The following COL19A1 variants were observed in gnomAD, a reference collection of about 807,000 sequenced individuals.
The protein encoded by COL19A1 is collagen alpha-1(XIX) chain.
A neutral mutation model predicts 190.2 loss-of-function variants in COL19A1; 159 were observed. The observed-to-expected ratio is 0.84, with a 90% CI of 0.73 to 0.95. The LOEUF is 0.95. Among genes scored for constraint, COL19A1 ranks in the 40% least tolerant of loss-of-function variants. The probability of loss-of-function intolerance (pLI) is 0.00; values close to 1 mark genes in which losing one functional copy is unlikely to be tolerated. For synonymous variants in COL19A1, 509 were observed against 458.9 expected (o/e 1.11, Z -1.39); for missense variants, 1,418 against 1,431.9 (o/e 0.99, Z 0.16).
chr6:70,182,781 A>G (rs1157541159), intron 44 of COL19A1, among the ~76,000 whole-genome samples: 3 of 152,218 alleles, frequency 2.0e-5, no homozygotes, highest in Non-Finnish European at 4.4e-5. Flanking sequence ...ACATGTTAGT[A>G]TCTTGGTAAG....
chr6:69,897,467 AC>A, intron 2 of COL19A1, among the ~76,000 whole-genome samples: 1 of 151,424 alleles, frequency 6.6e-6, no homozygotes, highest in East Asian at 1.9e-4. Flanking sequence ...TTACACACAC[AC>A]ACACACACAC....
chr6:70,087,842 G>A (rs1782674725), intron 15 of COL19A1, among the ~76,000 whole-genome samples: 1 of 152,170 alleles, frequency 6.6e-6, no homozygotes, highest in Non-Finnish European at 1.5e-5. Flanking sequence ...TATCCCATAA[G>A]TTATCCATGA....
intron 4 of COL19A1, among the ~76,000 whole-genome samples, chr6:69,925,311 C>T (rs192530260): frequency 2.6e-4 from 39 of 152,252 alleles, no homozygotes; most frequent in African/African-American, 9.1e-4. Flanking sequence ...TATGGCAAGC[C>T]AGTATTCCCA....
intron 12 of COL19A1, among the ~76,000 whole-genome samples, chr6:70,024,600 TGTGTGTGTGTGTGTGGGTGTGTGG>T (rs1452619011): frequency 1.3e-5 from 2 of 150,178 alleles, no homozygotes; most frequent in Non-Finnish European, 3.0e-5. Context: ...TGTGTGTGTG[TGTGTGTGTGTGTGTGGGTGTGTGG>T]GTGTGTGTGT....
intron 31 of COL19A1, among the ~76,000 whole-genome samples, chr6:70,152,698 T>C (rs1277934398): frequency 6.6e-6 from 1 of 152,116 alleles, no homozygotes; most frequent in Non-Finnish European, 1.5e-5. Context: ...TTAAGTAACT[T>C]TTTCAGTCAT....
chr6:69,947,121 C>T (rs79443238), intron 9 of COL19A1, among the ~76,000 whole-genome samples: 16,101 of 151,830 alleles, frequency 0.11, 958 homozygotes, highest in Middle Eastern at 0.16. Context: ...CTTTTAGCCC[C>T]AGGGCTTCTC....
At chr6:69,959,205 C>T (rs1774617571) in intron 9 of COL19A1, among the ~76,000 whole-genome samples, 1 of 152,190 alleles carries the variant, frequency 6.6e-6, no homozygotes, top group South Asian at 2.1e-4. Context: ...TAAAAGCCAT[C>T]TGTCTTTTTA....
chr6:69,987,710 T>C (rs1708641042), intron 11 of COL19A1, among the ~76,000 whole-genome samples: 1 of 152,298 alleles, frequency 6.6e-6, no homozygotes, highest in South Asian at 2.1e-4. Context: ...CTTAACTGCC[T>C]TGTGGGGTTG....
chr6:69,943,141 A>G (rs1006523129), intron 9 of COL19A1, among the ~76,000 whole-genome samples: 1 of 152,004 alleles, frequency 6.6e-6, no homozygotes, highest in African/African-American at 2.4e-5. Context: ...CTCCTCCCTC[A>G]TGATTAATGT....
In COL19A1 at chr6:70,137,716, C is replaced by G. The variant is rs1785955853; in HGVS notation, c.1415C>G (p.Ser472Cys). The G allele has an allele frequency of 6.2e-7, 1 of 1,613,218 alleles. No individual in the cohort carries two copies. Among genetic ancestry groups the G allele is most frequent in the Non-Finnish European group, 8.5e-7 (1 of 1,179,460 alleles). The stretch of plus-strand genomic sequence containing the variant: ...ACTGGACTACCAGGATTTCCAGGGT[C>G]TGTTGGCCCTAAAGGACAAAAAGGA... ...GETGLPGFPG[S>C]VGPKGQKGEP... The change falls in exon 19 of 51, where the codon TCT becomes TGT. Residue 472 changes from serine to cysteine, a missense_variant. Coordinates refer to ENST00000620364, the MANE Select transcript of COL19A1 (RefSeq NM_001858.6).
At chr6:69,972,256 T>C (rs968120641) in intron 11 of COL19A1, among the ~76,000 whole-genome samples, 4 of 152,208 alleles carry the variant, frequency 2.6e-5, no homozygotes, top group Non-Finnish European at 2.9e-5. Flanking sequence ...TCTGTTATAA[T>C]TTCTCATTGT....
At chr6:70,190,702 A>C (rs1766810399) in intron 48 of COL19A1, among the ~76,000 whole-genome samples, 1 of 152,102 alleles carries the variant, frequency 6.6e-6, no homozygotes, top group African/African-American at 2.4e-5. Flanking sequence ...TTATGGAGTA[A>C]ATGTGTCTAG....
chr6:70,103,570 T>C (rs926876922), intron 16 of COL19A1, among the ~76,000 whole-genome samples: 2 of 152,222 alleles, frequency 1.3e-5, no homozygotes, highest in African/African-American at 4.8e-5. Flanking sequence ...TCCTCCTCTA[T>C]GCCCTTCCTT....
chr6:69,965,605 G>A (rs1775045327), intron 11 of COL19A1, among the ~76,000 whole-genome samples: 1 of 152,208 alleles, frequency 6.6e-6, no homozygotes, highest in South Asian at 2.1e-4. Flanking sequence ...ACAGGGCAGA[G>A]CCTCATACAT....
At chr6:69,894,188 T>A (rs2149964111) in intron 2 of COL19A1, among the ~76,000 whole-genome samples, 1 of 152,364 alleles carries the variant, frequency 6.6e-6, no homozygotes, top group East Asian at 1.9e-4. Context: ...TTTGACTCTT[T>A]TCATCGACAG....
intron 2 of COL19A1, chr6:69,891,105 A>G (rs1022692168): frequency 8.3e-6 from 2 of 240,144 alleles, no homozygotes; most frequent in South Asian, 5.6e-5. Flanking sequence ...TAGAAAACAC[A>G]TATCAACATG....
At chr6:70,169,637 C>T (rs1284598778) in intron 40 of COL19A1, among the ~76,000 whole-genome samples, 1 of 152,076 alleles carries the variant, frequency 6.6e-6, no homozygotes, top group Admixed American at 6.6e-5. Context: ...ATTGTTATCC[C>T]CTGAAAGCAT....
chr6:69,946,503 G>A (rs1773815758), intron 9 of COL19A1, among the ~76,000 whole-genome samples: 1 of 151,874 alleles, frequency 6.6e-6, no homozygotes, highest in African/African-American at 2.4e-5. Flanking sequence ...TCTAGTTTTA[G>A]TTATGATTAG....
At chr6:70,104,902 A>G (rs773612384) in intron 16 of COL19A1, among the ~76,000 whole-genome samples, 2 of 152,216 alleles carry the variant, frequency 1.3e-5, no homozygotes, top group Admixed American at 6.5e-5. Context: ...GTTCTCAACT[A>G]TAGATCAAAT....
Sources: allele counts gnomAD v4.1 joint callset (sites outside exome capture counted in the v4.1 genomes callset), GRCh38; gene constraint gnomAD v4.1.1; transcripts MANE v1.5; gene names NCBI Gene and HGNC (gene_info 2026-07-23, HGNC 2026-07-21).